The following RALGPS1 variants were observed in gnomAD, a reference collection of about 807,000 sequenced individuals.
RALGPS1 encodes the protein ras-specific guanine nucleotide-releasing factor RalGPS1.
A neutral mutation model predicts 78.8 loss-of-function variants in RALGPS1; 19 were observed. The observed-to-expected ratio is 0.24, with a 90% CI of 0.17 to 0.35. The LOEUF is 0.35. Among genes scored for constraint, RALGPS1 ranks in the 10% least tolerant of loss-of-function variants. The pLI, the probability that RALGPS1 is intolerant of heterozygous loss-of-function variation, is 1.00. For synonymous variants in RALGPS1, 228 were observed against 256.3 expected (o/e 0.89, Z 1.06); for missense variants, 454 against 688.3 (o/e 0.66, Z 3.81).
At chr9:127,018,879 G>A (rs1022012284) in intron 4 of RALGPS1, among the ~76,000 whole-genome samples, 12 of 152,098 alleles carry the variant, frequency 7.9e-5, no homozygotes, top group Non-Finnish European at 1.6e-4. Context: ...TAGGTGATAG[G>A]AATTGTTAGC....
chr9:127,052,759 C>T, intron 6 of RALGPS1, 88 bp from the exon 7 acceptor site: 2 of 827,850 alleles, frequency 2.4e-6, no homozygotes, highest in Non-Finnish European at 4.0e-6. Flanking sequence ...AATTGAATTT[C>T]ATAAATATGA....
Position 127,128,488 on chromosome 9 carries a change from G to C in RALGPS1, c.611-37581G>C, listed in dbSNP as rs1332865782. On this transcript the variant is annotated intron_variant, in intron 8 of 18. Transcript: ENST00000259351. ...GAAGTGTGGCAGTTTTAGTCATCAA[G>C]GCCCCAGTGAGGTTGGCCTGTGGCT... 2.0e-5 allele frequency among the ~76,000 whole-genome samples: 3 copies of C among 152,348 alleles called. No homozygotes were observed. The East Asian group carries it at 5.8e-4, about 29-fold the overall frequency.
At chr9:127,055,260 C>G (rs916777025) in intron 7 of RALGPS1, among the ~76,000 whole-genome samples, 3 of 151,484 alleles carry the variant, frequency 2.0e-5, no homozygotes, top group Admixed American at 2.0e-4. Context: ...CACTCTGTCA[C>G]CCAGCTGGAG....
intron 4 of RALGPS1, among the ~76,000 whole-genome samples, chr9:127,002,624 G>A (rs1374371826): frequency 8.3e-6 from 1 of 120,996 alleles, no homozygotes; most frequent in Non-Finnish European, 1.6e-5. Flanking sequence ...AGTCCCTAGA[G>A]TGTGATATTC....
At chr9:127,196,211 C>T (rs1401377543) in intron 12 of RALGPS1, among the ~76,000 whole-genome samples, 1 of 152,232 alleles carries the variant, frequency 6.6e-6, no homozygotes, top group Non-Finnish European at 1.5e-5. Context: ...CATCTGCTCA[C>T]TCGAGCCTCA....
At chr9:127,134,079 C>T (rs993660657) in intron 8 of RALGPS1, among the ~76,000 whole-genome samples, 4 of 152,028 alleles carry the variant, frequency 2.6e-5, no homozygotes, top group Non-Finnish European at 4.4e-5. Context: ...TATTCACGGC[C>T]GCCATCCAGC....
In RALGPS1 at chr9:127,211,466, C is replaced by T. The variant is rs78812592; in HGVS notation, c.1248-665C>T. The stretch of plus-strand genomic sequence containing the variant: ...GGATTGATTAGGTTGCAGGGGCATC[C>T]GAGAGGAAGAAAATCCCCGCTTTCT... On this transcript the variant is annotated intron_variant, in intron 14 of 18. Coordinates refer to ENST00000259351, the MANE Select transcript of RALGPS1 (RefSeq NM_014636.3). This position sits in a 1 kb window ranked among gnomAD's most constrained non-coding sequence, Gnocchi z 5.0. Among the ~76,000 whole-genome samples the T allele has an allele frequency of 3.3e-5, 5 of 152,236 alleles. No homozygotes were observed. In the East Asian group the frequency reaches 5.8e-4, roughly 18 times the overall value.
intron 8 of RALGPS1, among the ~76,000 whole-genome samples, chr9:127,102,335 A>AT (rs540105395): frequency 2.4e-5 from 2 of 83,338 alleles, no homozygotes; most frequent in African/African-American, 9.6e-5. Context: ...TACTTTATTT[A>AT]TTTTTTTTGT....
intron 10 of RALGPS1, among the ~76,000 whole-genome samples, chr9:127,171,681 C>G (rs1191078700): frequency 6.6e-6 from 1 of 152,198 alleles, no homozygotes; most frequent in Non-Finnish European, 1.5e-5. Context: ...ATCACTTGAA[C>G]CTGGGAGGCA....
At chr9:126,984,255 C>T (rs549285839) in intron 4 of RALGPS1, among the ~76,000 whole-genome samples, 8 of 152,222 alleles carry the variant, frequency 5.3e-5, no homozygotes, top group Admixed American at 2.0e-4. Flanking sequence ...AGACATGTGC[C>T]ACCATGCTTG....
At chr9:127,064,901 T>TG (rs34643790) in intron 7 of RALGPS1, among the ~76,000 whole-genome samples, 83,743 of 151,868 alleles carry the variant, frequency 0.55, 23,769 homozygotes, top group African/African-American at 0.67. Context: ...GTTTTGGTTT[T>TG]GTTTGTTTTG....
chr9:127,174,414 G>A (rs575179573), intron 10 of RALGPS1, among the ~76,000 whole-genome samples: 1 of 152,324 alleles, frequency 6.6e-6, no homozygotes, highest in African/African-American at 2.4e-5. Context: ...TGAATTTGGG[G>A]AAGCTGCTTA....
intron 8 of RALGPS1, among the ~76,000 whole-genome samples, chr9:127,155,310 C>G (rs1344284129): frequency 6.6e-6 from 1 of 152,188 alleles, no homozygotes; most frequent in Non-Finnish European, 1.5e-5. Flanking sequence ...ATGGATAAGG[C>G]ACAGCCCTTG....
intron 11 of RALGPS1, among the ~76,000 whole-genome samples, chr9:127,193,598 C>T (rs1360031220): frequency 3.3e-5 from 5 of 152,090 alleles, no homozygotes; most frequent in Non-Finnish European, 5.9e-5. Context: ...CCACAGTATA[C>T]GGGCTGGGGG....
chr9:127,183,896 G>C lies in RALGPS1; in HGVS notation c.910+9114G>C. 1.3e-6 allele frequency: 2 copies of C among 1,550,012 alleles called. No homozygotes were observed. ...CCATCTCAGCAGCCTGTCACATCAA[G>C]GTCAAGCAGAAGAGGCAAGACTCAA... On this transcript the variant is annotated intron_variant, in intron 11 of 18. Transcript: ENST00000259351. This position sits in a 1 kb window ranked among gnomAD's most constrained non-coding sequence, Gnocchi z 4.0.
At chr9:127,178,296 G>T in intron 11 of RALGPS1, 1 of 354,456 alleles carries the variant, frequency 2.8e-6, no homozygotes, top group Non-Finnish European at 4.9e-6. Context: ...TCAGGGGTCA[G>T]CCTCCCCCGA....
At chr9:127,041,546 G>A (rs1355038770) in intron 5 of RALGPS1, among the ~76,000 whole-genome samples, 2 of 152,126 alleles carry the variant, frequency 1.3e-5, no homozygotes, top group Non-Finnish European at 2.9e-5. Flanking sequence ...TCTAGTATGT[G>A]TGTAGTAATC....
Position 127,188,832 on chromosome 9 carries a change from TAA to T in RALGPS1, c.911-6243_911-6242del, listed in dbSNP as rs202172226. 8.2e-4 allele frequency among the ~76,000 whole-genome samples: 72 copies of T among 87,420 alleles called. 5 individuals carry two copies. In the South Asian group the frequency reaches 0.024, roughly 30 times the overall value. The allele number at this position is 87,420 out of a possible 152,430, so 57.4% of individuals were successfully genotyped here. Reference sequence around the variant, plus strand: ...AAAGACTAAGAAACCCCATCTCTACTAAAAAAAAAAAAAAAAATGTAGCCAGG... The same window carrying T: ...AAAGACTAAGAAACCCCATCTCTACTAAAAAAAAAAAAAAATGTAGCCAGG... On this transcript the variant is annotated intron_variant, in intron 11 of 18. Transcript: ENST00000259351.
intron 17 of RALGPS1, 33 bp from the exon 18 acceptor site, chr9:127,214,718 C>A (rs1423306892): frequency 6.3e-7 from 1 of 1,581,152 alleles, no homozygotes; most frequent in Non-Finnish European, 8.6e-7. Context: ...CTACGTGGCC[C>A]TCTTCTTAAC....
Sources: gnomAD v4.1 joint callset for allele counts (sites outside exome capture counted in the v4.1 genomes callset) on GRCh38, gnomAD v4.1.1 for gene constraint, Gnocchi (gnomAD v3.1) non-coding constraint, MANE v1.5 for transcripts, NCBI Gene and HGNC (gene_info 2026-07-23, HGNC 2026-07-21) for gene names.